The following MYOM2 variants were observed in gnomAD, a reference collection of about 807,000 sequenced individuals.
The protein encoded by MYOM2 is myomesin-2.
A neutral mutation model predicts 187.6 loss-of-function variants in MYOM2; 254 were observed. The ratio of observed to expected loss-of-function variants is 1.35; its 90% CI spans 1.22 to 1.50. The LOEUF is 1.50. Among genes scored for constraint, MYOM2 ranks in the 40% most tolerant of loss-of-function variants. The pLI, the probability that MYOM2 is intolerant of heterozygous loss-of-function variation, is 0.00. For missense variants in MYOM2, 2,796 were observed against 1,924.0 expected (o/e 1.45, Z -8.48); for synonymous variants, 981 against 753.8 (o/e 1.30, Z -4.94).
chr8:2,089,966 C>A (rs192010117), intron 14 of MYOM2, 42 bp from the exon 15 acceptor site: 30 of 1,601,586 alleles, frequency 1.9e-5, no homozygotes, highest in African/African-American at 2.7e-5. Context: ...CTGGGGACCT[C>A]GCGGTTTTCA....
chr8:2,124,360 G>A (rs937548477), intron 31 of MYOM2, 143 bp downstream of exon 31: 2 of 747,028 alleles, frequency 2.7e-6, no homozygotes, highest in Non-Finnish European at 4.3e-6. Flanking sequence ...AGGGCAGGGT[G>A]GTGATCTGCT....
intron 19 of MYOM2, chr8:2,100,476 C>G (rs575954716): frequency 4.9e-5 from 11 of 226,662 alleles, no homozygotes; most frequent in African/African-American, 2.2e-4. Context: ...GAGGACAGGG[C>G]TGCAGTGATG....
At chr8:2,101,528 G>A (rs12547910) in intron 20 of MYOM2, among the ~76,000 whole-genome samples, 58,737 of 151,984 alleles carry the variant, frequency 0.39, 11,740 homozygotes, top group South Asian at 0.46. Flanking sequence ...GGATGCAGCC[G>A]CCATGCGCGT....
At chr8:2,082,972 C>T (rs1167788473) in intron 13 of MYOM2, among the ~76,000 whole-genome samples, 1 of 152,148 alleles carries the variant, frequency 6.6e-6, no homozygotes, top group Non-Finnish European at 1.5e-5. Flanking sequence ...GACCCCAGTT[C>T]AGCCACCCAG....
intron 1 of MYOM2, among the ~76,000 whole-genome samples, chr8:2,046,482 C>T (rs141045739): frequency 1.2e-3 from 177 of 152,266 alleles, no homozygotes; most frequent in African/African-American, 3.9e-3. Context: ...GTGACCCGGG[C>T]AAGTCATATT....
At chr8:2,137,054 T>C (rs1377171185) in intron 32 of MYOM2, among the ~76,000 whole-genome samples, 3 of 151,896 alleles carry the variant, frequency 2.0e-5, no homozygotes, top group Non-Finnish European at 4.4e-5. Context: ...GAAGAATTTC[T>C]AGTCTCTCTC....
intron 14 of MYOM2, among the ~76,000 whole-genome samples, chr8:2,087,153 T>C (rs1475249662): frequency 4.6e-5 from 7 of 152,246 alleles, no homozygotes; most frequent in Admixed American, 1.3e-4. Context: ...TAGGCCATAG[T>C]TGGATAAGAC....
chr8:2,106,496 A>C lies in MYOM2; in HGVS notation c.2897A>C (p.Lys966Thr). The C allele has an allele frequency of 6.2e-7, 1 of 1,612,102 alleles. No individual in the cohort carries two copies. The highest frequency in any genetic ancestry group is 8.5e-7 in the Non-Finnish European group (1 of 1,178,258). ...CTACTCTTCTTCCTTTTTAGCTCCAAGCTGTACTTAAAGAATCCGGATAAG... is the reference window on the plus strand; with the variant it reads ...CTACTCTTCTTCCTTTTTAGCTCCACGCTGTACTTAAAGAATCCGGATAAG... ...FKIETVGDHS[K>T]LYLKNPDKED... The change falls in exon 23 of 37, where the codon AAG (lysine) becomes ACG (threonine). Residue 966 changes from lysine to threonine, a missense_variant. By Grantham distance (78) the Lys-to-Thr change is moderately conservative (BLOSUM62 -1). Transcript: ENST00000262113.
rs573924365 is a variant in MYOM2, at chr8:2,051,161, C to G, written c.107+288C>G. Among the ~76,000 whole-genome samples the G allele has an allele frequency of 5.5e-3, 679 of 122,850 alleles. 3 individuals are homozygous for G. The highest frequency in any genetic ancestry group is 9.0e-3 in the Non-Finnish European group (509 of 56,530). 80.6% of individuals were successfully genotyped at this position (122,850 alleles called of 152,430 possible). ...ATTTTACTGCTCATCACATGCCTTC[C>G]AGAACTAGGATCTAAAAAGCCACCC... On this transcript the variant is annotated intron_variant, in intron 2 of 36. Transcript: ENST00000262113.
At chr8:2,104,675 G>A (rs1390363240) in intron 21 of MYOM2, among the ~76,000 whole-genome samples, 1 of 152,074 alleles carries the variant, frequency 6.6e-6, no homozygotes, top group African/African-American at 2.4e-5. Flanking sequence ...GAAGCACAGT[G>A]CCGGGATCTG....
chr8:2,109,299 CTAATAACTAGGATTGA>C (rs1796990334), intron 24 of MYOM2, 80 bp from the exon 25 acceptor site: 1 of 1,350,398 alleles, frequency 7.4e-7, no homozygotes, highest in Admixed American at 2.7e-5. Context: ...TCTCAAAAAT[CTAATAACTAGGATTGA>C]TATTTCCCTA....
chr8:2,086,412 C>CCCCCTACTGTCGTGAT (rs1796061960), intron 14 of MYOM2, among the ~76,000 whole-genome samples: 1 of 136,014 alleles, frequency 7.4e-6, no homozygotes, highest in Admixed American at 7.2e-5. Context: ...CTCTGCGTGG[C>CCCCCTACTGTCGTGAT]CTCCCACTGT....
At chr8:2,050,913 T>C (rs1193707728) in intron 2 of MYOM2, 40 bp downstream of exon 2, 1 of 1,467,692 alleles carries the variant, frequency 6.8e-7, no homozygotes, top group Non-Finnish European at 9.5e-7. Flanking sequence ...AGAGCTTTGA[T>C]TATGGGGGTC....
intron 6 of MYOM2, among the ~76,000 whole-genome samples, chr8:2,066,429 T>C (rs1819021940): frequency 6.6e-6 from 1 of 152,218 alleles, no homozygotes; most frequent in Non-Finnish European, 1.5e-5. Flanking sequence ...GTTTCTCTCA[T>C]CTGCTGTGTT....
intron 16 of MYOM2, among the ~76,000 whole-genome samples, chr8:2,093,051 G>A (rs1325001222): frequency 6.6e-6 from 1 of 152,160 alleles, no homozygotes; most frequent in East Asian, 1.9e-4. Flanking sequence ...GCTGCCTGCT[G>A]AGTGTGCAGG....
At chr8:2,066,240 G>T (rs1819015728) in intron 6 of MYOM2, among the ~76,000 whole-genome samples, 1 of 152,202 alleles carries the variant, frequency 6.6e-6, no homozygotes, top group Non-Finnish European at 1.5e-5. Flanking sequence ...CCTGCTCTGT[G>T]CTTCTCTGGT....
chr8:2,142,844 C>T (rs1387844581), intron 35 of MYOM2, among the ~76,000 whole-genome samples: 1 of 151,200 alleles, frequency 6.6e-6, no homozygotes, highest in Non-Finnish European at 1.5e-5. Flanking sequence ...CAACCTCTGC[C>T]TCCTGGGTTC....
intron 19 of MYOM2, among the ~76,000 whole-genome samples, chr8:2,100,097 CTT>C (rs1796641910): frequency 2.2e-5 from 2 of 89,714 alleles, no homozygotes; most frequent in African/African-American, 8.6e-5. Flanking sequence ...TCCTTCCTTC[CTT>C]CCTTCCTTCT....
chr8:2,124,402 G>C (rs1420085877), intron 31 of MYOM2, among the ~76,000 whole-genome samples, 185 bp downstream of exon 31: 1 of 152,170 alleles, frequency 6.6e-6, no homozygotes, highest in African/African-American at 2.4e-5. Context: ...ACTTCCCTCA[G>C]TTTTGTCTGG....
Sources: gnomAD v4.1 joint callset for allele counts (sites outside exome capture counted in the v4.1 genomes callset) on GRCh38, gnomAD v4.1.1 for gene constraint, MANE v1.5 for transcripts, NCBI Gene and HGNC (gene_info 2026-07-23, HGNC 2026-07-21) for gene names.